NOX5: variants seen among roughly 807,000 people sequenced by gnomAD.
NOX5 encodes NADPH oxidase, EF-hand calcium binding domain 5.
Under a neutral mutation model 85.7 loss-of-function variants are expected in NOX5, and 76 were observed. That is an observed-to-expected ratio of 0.89 (90% CI 0.74 to 1.07). The LOEUF is 1.07. Among genes scored for constraint, NOX5 ranks in the 50% least tolerant of loss-of-function variants. The pLI, the probability that NOX5 is intolerant of heterozygous loss-of-function variation, is 0.00. For synonymous variants in NOX5, 405 were observed against 401.4 expected (o/e 1.01, Z -0.11); for missense variants, 973 against 999.5 (o/e 0.97, Z 0.36).
Position 69,056,820 on chromosome 15 carries a change from C to G in NOX5, c.*124C>G. ...CAATAAGACAAAGCCTAGGGACCCC[C>G]TAATCCTGCTCAACAGAGAGAACAG... On this transcript the variant is annotated 3_prime_UTR_variant, in exon 16 of 16. Transcript: ENST00000388866. 1 of 1,225,330 alleles carries G rather than the reference C, an allele frequency of 8.2e-7. No homozygotes were observed. Among genetic ancestry groups the G allele is most frequent in the East Asian group, 2.5e-5 (1 of 39,596 alleles). The allele number at this position is 1,225,330 out of a possible 1,614,324, so 75.9% of individuals were successfully genotyped here. A position where few individuals can be genotyped will look rare whatever the true frequency, so the allele number is the denominator to read the frequency against.
intron 15 of NOX5, 93 bp from the exon 16 acceptor site, chr15:69,056,472 C>T (rs2050812924): frequency 3.3e-6 from 5 of 1,508,098 alleles, no homozygotes; most frequent in Non-Finnish European, 3.6e-6. Context: ...GCTGCCGACC[C>T]GTTATGCTGT....
At chr15:69,051,045 GCCTCCTCCCTGCCTCC>G (rs372677070) in intron 14 of NOX5, among the ~76,000 whole-genome samples, 2 of 152,154 alleles carry the variant, frequency 1.3e-5, no homozygotes, top group African/African-American at 2.4e-5. Flanking sequence ...CAAGTGAGTA[GCCTCCTCCCTGCCTCC>G]CCTCCTCCCT....
In NOX5 at chr15:69,062,343, C is replaced by T. The variant is rs992881381; in HGVS notation, c.*5647C>T. Reference sequence around the variant, plus strand: ...ACTGGTCTTCCTTTCTCCAGCCTGGCTCTGATCCATCCTCCACACACTGCT... The same window carrying T: ...ACTGGTCTTCCTTTCTCCAGCCTGGTTCTGATCCATCCTCCACACACTGCT... On this transcript the variant is annotated 3_prime_UTR_variant, in exon 16 of 16. Coordinates refer to ENST00000388866, the MANE Select transcript of NOX5 (RefSeq NM_024505.4). The T allele has an allele frequency of 2.0e-5, 3 of 152,062 alleles. No homozygotes were observed. Among genetic ancestry groups the T allele is most frequent in the African/African-American group, 7.2e-5 (3 of 41,436 alleles). The allele number at this position is 152,062 out of a possible 1,614,324, so 9.4% of individuals were successfully genotyped here.
At chr15:69,024,067 A>G (rs2050327027) in intron 1 of NOX5, 1 of 153,800 alleles carries the variant, frequency 6.5e-6, no homozygotes, top group Admixed American at 6.5e-5. Context: ...TTGATAAACC[A>G]GCCATCAATG....
At chr15:69,033,300 G>A (rs777661707) in intron 5 of NOX5, 23 bp downstream of exon 5, 1 of 1,586,698 alleles carries the variant, frequency 6.3e-7, no homozygotes, top group Non-Finnish European at 8.5e-7. Context: ...AGCACACGGT[G>A]CTCTGAAAAT....
At chr15:69,016,154 A>G (rs991741214) in intron 1 of NOX5, among the ~76,000 whole-genome samples, 3 of 152,176 alleles carry the variant, frequency 2.0e-5, no homozygotes, top group Admixed American at 2.0e-4. Context: ...GAAGGGGCCA[A>G]TATACTAAAT....
Position 69,060,595 on chromosome 15 carries a change from G to A in NOX5, c.*3899G>A, listed in dbSNP as rs577635067. On this transcript the variant is annotated 3_prime_UTR_variant, in exon 16 of 16. Transcript: ENST00000388866. ...GGGATACAATGAAGGAAAGGATTTT[G>A]TGTTTTTGTTTTTGTTTTACTTTTT... The A allele has an allele frequency of 6.6e-6, 1 of 152,206 alleles. No homozygotes were observed. Among genetic ancestry groups the A allele is most frequent in the African/African-American group, 2.4e-5 (1 of 41,530 alleles). The allele number at this position is 152,206 out of a possible 1,614,324, so 9.4% of individuals were successfully genotyped here.
rs768144943 is a variant in NOX5, at chr15:69,035,730, C to A, written c.1010-28C>A. The stretch of plus-strand genomic sequence containing the variant: ...GAGTGGGAAGAGCTGGTCTTGCAGT[C>A]ACTCAACCTTTCTGAGCTTGTTTCC... On this transcript the variant is annotated intron_variant, in intron 6 of 15. Coordinates refer to ENST00000388866, the MANE Select transcript of NOX5 (RefSeq NM_024505.4). The A allele has an allele frequency of 3.7e-6, 6 of 1,607,632 alleles. No homozygotes were observed. In the East Asian group the frequency reaches 6.7e-5, roughly 18 times the overall value.
Position 69,061,582 on chromosome 15 carries a change from A to G in NOX5, c.*4886A>G, listed in dbSNP as rs2050871280. 6.6e-6 allele frequency: 1 copy of G among 152,264 alleles called. No homozygotes were observed. The highest frequency in any genetic ancestry group is 6.5e-5 in the Admixed American group (1 of 15,284). 9.4% of individuals were successfully genotyped at this position (152,264 alleles called of 1,614,324 possible). On this transcript the variant is annotated 3_prime_UTR_variant, in exon 16 of 16. Coordinates refer to ENST00000388866, the MANE Select transcript of NOX5 (RefSeq NM_024505.4). ...ATATGATGACTCTCTCCTTTTAAAA[A>G]TAAGATTAATTCAGACAAGACATTT... is the stretch of plus-strand genomic sequence containing the variant.
rs746373786 is a variant in NOX5 at position 69,059,111 on chromosome 15, T to C, written c.*2415T>C. ...CCACCCGCATATACAAATAGTCAGC[T>C]GTTCGTTTAGGACTTAATAATATAG... On this transcript the variant is annotated 3_prime_UTR_variant, in exon 16 of 16. Coordinates refer to ENST00000388866, the MANE Select transcript of NOX5 (RefSeq NM_024505.4). 1 of 152,216 alleles carries C rather than the reference T, an allele frequency of 6.6e-6. No homozygotes were observed. The highest frequency in any genetic ancestry group is 1.5e-5 in the Non-Finnish European group (1 of 68,046). The allele number at this position is 152,216 out of a possible 1,614,324, so 9.4% of individuals were successfully genotyped here. A position where few individuals can be genotyped will look rare whatever the true frequency, so the allele number is the denominator to read the frequency against.
rs1269870315 is a variant in NOX5, at chr15:69,060,609, GT to G, written c.*3917del. The G allele has an allele frequency of 5.3e-5, 8 of 152,106 alleles. No individual in the cohort carries two copies. The highest frequency in any genetic ancestry group is 8.8e-5 in the Non-Finnish European group (6 of 67,970). The allele number at this position is 152,106 out of a possible 1,614,324, so 9.4% of individuals were successfully genotyped here. A position where few individuals can be genotyped will look rare whatever the true frequency, so the allele number is the denominator to read the frequency against. On this transcript the variant is annotated 3_prime_UTR_variant, in exon 16 of 16. Transcript: ENST00000388866. Reference sequence around the variant, plus strand: ...GAAAGGATTTTGTGTTTTTGTTTTTGTTTTACTTTTTGCCCTTCTGTAAAGT... The same window carrying G: ...GAAAGGATTTTGTGTTTTTGTTTTTGTTTACTTTTTGCCCTTCTGTAAAGT...
chr15:69,033,530 C>T (rs1398957347), intron 5 of NOX5, among the ~76,000 whole-genome samples: 1 of 152,160 alleles, frequency 6.6e-6, no homozygotes, highest in Non-Finnish European at 1.5e-5. Flanking sequence ...CGGTGCTGAG[C>T]ACGCTCCATT....
At chr15:69,044,089 C>T (rs1327518928) in intron 10 of NOX5, among the ~76,000 whole-genome samples, 1 of 151,624 alleles carries the variant, frequency 6.6e-6, no homozygotes, top group Non-Finnish European at 1.5e-5. Context: ...GAGGCTGGGG[C>T]AGGAGAATCT....
rs1567106557 is a variant in NOX5 at position 69,047,858 on chromosome 15, A to G, written c.1846A>G (p.Ser616Gly). The G allele has an allele frequency of 1.2e-6, 2 of 1,614,126 alleles. No individual in the cohort carries two copies. The highest frequency in any genetic ancestry group is 2.2e-5 in the East Asian group (1 of 44,858). Reference protein sequence around the residue: ...RHQKRKHTCPSCQHSWIEGVQ... With the variant: ...RHQKRKHTCPGCQHSWIEGVQ... ...CCAGAAAAGAAAGCATACTTGCCCC[A>G]GCTGCCAGCACTCCTGGATCGAAGG... The change falls in exon 13 of 16, where the codon AGC becomes GGC. Residue 616 changes from serine to glycine, a missense_variant. By Grantham distance (56) the Ser-to-Gly change is moderately conservative (BLOSUM62 0). Transcript: ENST00000388866.
chr15:69,017,456 G>A (rs560829843), intron 1 of NOX5, among the ~76,000 whole-genome samples: 23 of 152,226 alleles, frequency 1.5e-4, no homozygotes, highest in African/African-American at 5.3e-4. Context: ...CCGGCCAGAC[G>A]TTCCTAAGTC....
At chr15:69,054,240 G>A (rs1200194041) in intron 14 of NOX5, among the ~76,000 whole-genome samples, 1 of 152,154 alleles carries the variant, frequency 6.6e-6, no homozygotes. Flanking sequence ...TGTCATGTCT[G>A]GTTATGGAAC....
At position 69,061,064 on chromosome 15, in the gene NOX5, G is replaced by C. The variant is rs773403961; in HGVS notation, c.*4368G>C. 6.6e-6 allele frequency: 1 copy of C among 152,204 alleles called. No individual in the cohort carries two copies. Among genetic ancestry groups the C allele is most frequent in the Non-Finnish European group, 1.5e-5 (1 of 68,032 alleles). The allele number at this position is 152,204 out of a possible 1,614,324, so 9.4% of individuals were successfully genotyped here. A position where few individuals can be genotyped will look rare whatever the true frequency, so the allele number is the denominator to read the frequency against. ...CTGTATTTGTGTGTTACCTGAGTAA[G>C]GTTTCACTTCCTGTATTACTCATGT... On this transcript the variant is annotated 3_prime_UTR_variant, in exon 16 of 16. Transcript: ENST00000388866.
chr15:69,035,211 A>G, intron 5 of NOX5, 143 bp from the exon 6 acceptor site: 1 of 820,018 alleles, frequency 1.2e-6, no homozygotes, highest in East Asian at 2.7e-5. Context: ...CAGGGAAGCA[A>G]CAAGGCATGG....
intron 14 of NOX5, 52 bp from the exon 15 acceptor site, chr15:69,055,282 G>T (rs1182041382): frequency 1.3e-6 from 2 of 1,576,626 alleles, no homozygotes; most frequent in Non-Finnish European, 1.7e-6. Context: ...CCTGCCCTGC[G>T]CCCATGATGG....
Sources: allele counts gnomAD v4.1 joint callset (sites outside exome capture counted in the v4.1 genomes callset), GRCh38; gene constraint gnomAD v4.1.1; transcripts MANE v1.5; gene names NCBI Gene and HGNC (gene_info 2026-07-23, HGNC 2026-07-21).